Variants in SYNPR observed in about 807,000 individuals in gnomAD.
SYNPR encodes the protein synaptoporin.
In SYNPR, 23 loss-of-function variants were observed where a neutral mutation model predicts 32.9. The ratio of observed to expected loss-of-function variants is 0.70; its 90% CI spans 0.50 to 0.99. SYNPR has a LOEUF of 0.99. Ranked by LOEUF, SYNPR falls within the 50% of genes least tolerant of loss-of-function variation. SYNPR has a pLI of 0.00. For missense variants in SYNPR, 318 were observed against 349.3 expected (o/e 0.91, Z 0.71); for synonymous variants, 146 against 135.9 (o/e 1.07, Z -0.52).
intron 4 of SYNPR, among the ~76,000 whole-genome samples, chr3:63,602,923 AT>A (rs1700066289): frequency 6.6e-6 from 1 of 152,210 alleles, no homozygotes; most frequent in African/African-American, 2.4e-5. Context: ...GAATCTATAA[AT>A]TGCTTTGGGC....
chr3:63,574,765 G>T (rs560995790), intron 4 of SYNPR, among the ~76,000 whole-genome samples: 1 of 152,216 alleles, frequency 6.6e-6, no homozygotes, highest in South Asian at 2.1e-4. Context: ...AGTGTTGAAT[G>T]AATTAATGAA....
intron 2 of SYNPR, among the ~76,000 whole-genome samples, chr3:63,329,827 C>T (rs898073842): frequency 4.6e-5 from 7 of 152,126 alleles, no homozygotes; most frequent in East Asian, 1.9e-4. Flanking sequence ...ACTAGAAATT[C>T]GCTGTCCAGG....
At chr3:63,228,723 G>C (rs1312829758) in intron 1 of SYNPR, among the ~76,000 whole-genome samples, 1 of 151,788 alleles carries the variant, frequency 6.6e-6, no homozygotes, top group African/African-American at 2.4e-5. Flanking sequence ...GCCTTATGTA[G>C]AGAAAAATAC....
chr3:63,485,247 C>T (rs764925), intron 3 of SYNPR, among the ~76,000 whole-genome samples: 1 of 151,766 alleles, frequency 6.6e-6, no homozygotes, highest in Non-Finnish European at 1.5e-5. Context: ...CACTGAAAGA[C>T]ACCAAAAGGA....
chr3:63,476,116 A>G (rs1485826830), intron 2 of SYNPR, among the ~76,000 whole-genome samples: 3 of 26,548 alleles, frequency 1.1e-4, no homozygotes, highest in East Asian at 2.4e-3. Flanking sequence ...GGGGGGAGGA[A>G]GGAAGGAAGG....
At chr3:63,393,496 C>CTTTTTTTTTTTTT (rs71631152) in intron 2 of SYNPR, among the ~76,000 whole-genome samples, 24 of 84,500 alleles carry the variant, frequency 2.8e-4, no homozygotes, top group East Asian at 1.2e-3. Flanking sequence ...TCTTTCTTCT[C>CTTTTTTTTTTTTT]TTTTTTTTTT....
chr3:63,246,015 T>C (rs766374263), intron 1 of SYNPR, among the ~76,000 whole-genome samples: 7 of 151,968 alleles, frequency 4.6e-5, no homozygotes, highest in Non-Finnish European at 7.4e-5. Context: ...GTTTGGCTTA[T>C]GAAAAGGAAA....
At chr3:63,603,771 T>A (rs1326817199) in intron 4 of SYNPR, among the ~76,000 whole-genome samples, 1 of 152,218 alleles carries the variant, frequency 6.6e-6, no homozygotes, top group Non-Finnish European at 1.5e-5. Flanking sequence ...GATTTTTACA[T>A]CTATGTTCAT....
intron 2 of SYNPR, among the ~76,000 whole-genome samples, chr3:63,472,362 A>T (rs1297538131): frequency 6.6e-6 from 1 of 152,168 alleles, no homozygotes; most frequent in Non-Finnish European, 1.5e-5. Flanking sequence ...CCTCATCTGT[A>T]AAATGAGGGG....
At chr3:63,256,024 G>A (rs1365085763) in intron 2 of SYNPR, among the ~76,000 whole-genome samples, 2 of 152,184 alleles carry the variant, frequency 1.3e-5, no homozygotes, top group Non-Finnish European at 2.9e-5. Flanking sequence ...GCTGGGGGAG[G>A]GGCGCCCGCC....
chr3:63,232,292 C>A (rs9846307), intron 1 of SYNPR, among the ~76,000 whole-genome samples: 398 of 150,210 alleles, frequency 2.6e-3, no homozygotes, highest in African/African-American at 8.8e-3. Context: ...ACCTCCCCGT[C>A]CCAGGTTCAA....
chr3:63,545,954 G>A (rs1351533660), intron 3 of SYNPR, among the ~76,000 whole-genome samples: 6 of 152,036 alleles, frequency 3.9e-5, no homozygotes, highest in South Asian at 2.1e-4. Context: ...TATACTAACC[G>A]AATAAAATAG....
chr3:63,228,754 CTG>C (rs1398644427), intron 1 of SYNPR, among the ~76,000 whole-genome samples: 1 of 151,946 alleles, frequency 6.6e-6, no homozygotes, highest in African/African-American at 2.4e-5. Flanking sequence ...GTGTTTTACT[CTG>C]TGTCAACAAA....
chr3:63,487,208 G>A (rs187607271), intron 3 of SYNPR, among the ~76,000 whole-genome samples: 33 of 152,126 alleles, frequency 2.2e-4, no homozygotes, highest in Non-Finnish European at 2.9e-4. Context: ...TTTTTTACAC[G>A]GTTAAAGCTG....
chr3:63,375,497 C>T (rs561179366), intron 2 of SYNPR, among the ~76,000 whole-genome samples: 2 of 152,184 alleles, frequency 1.3e-5, no homozygotes, highest in African/African-American at 4.8e-5. Context: ...CGCATGTTCT[C>T]ACTCGTAGGT....
intron 2 of SYNPR, among the ~76,000 whole-genome samples, chr3:63,455,472 T>C (rs1700465140): frequency 6.6e-6 from 1 of 152,126 alleles, no homozygotes; most frequent in South Asian, 2.1e-4. Flanking sequence ...TTCACACACA[T>C]GCTGCTACAT....
intron 2 of SYNPR, among the ~76,000 whole-genome samples, chr3:63,405,347 A>C (rs2088345482): frequency 6.6e-6 from 1 of 152,192 alleles, no homozygotes; most frequent in Non-Finnish European, 1.5e-5. Flanking sequence ...CCTTCTCCAA[A>C]GAAATGTTCT....
At chr3:63,476,749 C>G (rs1188940833) in intron 2 of SYNPR, among the ~76,000 whole-genome samples, 1 of 152,158 alleles carries the variant, frequency 6.6e-6, no homozygotes, top group Non-Finnish European at 1.5e-5. Context: ...GTAACACCCC[C>G]CCAGGTATAA....
intron 2 of SYNPR, among the ~76,000 whole-genome samples, chr3:63,440,786 G>T (rs938735923): frequency 6.6e-6 from 1 of 152,052 alleles, no homozygotes; most frequent in Non-Finnish European, 1.5e-5. Flanking sequence ...AGAGCAAACC[G>T]CTAGCAAACC....
Sources: gnomAD v4.1 joint callset for allele counts (sites outside exome capture counted in the v4.1 genomes callset) on GRCh38, gnomAD v4.1.1 for gene constraint, MANE v1.5 for transcripts, NCBI Gene and HGNC (gene_info 2026-07-23, HGNC 2026-07-21) for gene names.